The following HEMK2 variants were observed in gnomAD, a reference collection of about 807,000 sequenced individuals.
HEMK2 encodes the protein methyltransferase HEMK2.
the HEMK2 span, among the ~76,000 whole-genome samples, chr21:28,628,351 A>G: frequency 6.6e-6 from 1 of 152,176 alleles, no homozygotes; most frequent in Non-Finnish European, 1.5e-5. Context: ...TGCAACCACT[A>G]TGAGTTAAGA....
chr21:28,729,793 T>C, the HEMK2 span, among the ~76,000 whole-genome samples: 4 of 152,170 alleles, frequency 2.6e-5, no homozygotes. Context: ...AACTAATATC[T>C]ATGGAGAGTT....
the HEMK2 span, among the ~76,000 whole-genome samples, chr21:28,805,645 T>C: frequency 6.6e-6 from 1 of 152,202 alleles, no homozygotes; most frequent in African/African-American, 2.4e-5. Flanking sequence ...TGTACGACTT[T>C]ACATTGTTTT....
the HEMK2 span, among the ~76,000 whole-genome samples, chr21:28,879,175 T>C: frequency 1.3e-5 from 2 of 151,054 alleles, no homozygotes; most frequent in Admixed American, 6.6e-5. Context: ...GCTTCCACCT[T>C]GTGGGCTCAG....
chr21:28,856,190 G>A, the HEMK2 span, among the ~76,000 whole-genome samples: 1 of 152,082 alleles, frequency 6.6e-6, no homozygotes, highest in Non-Finnish European at 1.5e-5. Context: ...CAAGGAGGGT[G>A]GATCACTTGA....
chr21:28,822,856 T>A, the HEMK2 span, among the ~76,000 whole-genome samples: 1 of 146,282 alleles, frequency 6.8e-6, no homozygotes, highest in Non-Finnish European at 1.5e-5. Context: ...ATCCCAGATA[T>A]TAACGTCCAT....
At chr21:28,707,312 G>A in the HEMK2 span, among the ~76,000 whole-genome samples, 1 of 150,196 alleles carries the variant, frequency 6.7e-6, no homozygotes, top group African/African-American at 2.5e-5. Flanking sequence ...GTGGAGTACG[G>A]TGGCATGATC....
chr21:28,844,744 T>C, the HEMK2 span, among the ~76,000 whole-genome samples: 1 of 152,032 alleles, frequency 6.6e-6, no homozygotes, highest in Non-Finnish European at 1.5e-5. Context: ...ATTTTTGTCA[T>C]CTGATTGATG....
chr21:28,770,217 T>A, the HEMK2 span, among the ~76,000 whole-genome samples: 186 of 152,168 alleles, frequency 1.2e-3, 2 homozygotes, highest in Non-Finnish European at 2.1e-3. Context: ...ATCCCACAAA[T>A]CCTCACCCAC....
chr21:28,665,387 A>ATTTTTTTTTTTT, the HEMK2 span, among the ~76,000 whole-genome samples: 3 of 14,414 alleles, frequency 2.1e-4, no homozygotes, highest in Non-Finnish European at 3.3e-4. Flanking sequence ...TTTTTTTTTA[A>ATTTTTTTTTTTT]TTTTTTTTTT....
the HEMK2 span, among the ~76,000 whole-genome samples, chr21:28,837,660 T>C: frequency 6.7e-6 from 1 of 149,384 alleles, no homozygotes; most frequent in Non-Finnish European, 1.5e-5. Flanking sequence ...CAAACCAAAC[T>C]CAAACCCAGC....
chr21:28,662,487 A>T, the HEMK2 span, among the ~76,000 whole-genome samples: 1 of 152,166 alleles, frequency 6.6e-6, no homozygotes, highest in Non-Finnish European at 1.5e-5. Flanking sequence ...GGGTGTGTTC[A>T]AAGTTAAGAA....
At chr21:28,837,714 T>C in the HEMK2 span, among the ~76,000 whole-genome samples, 1 of 151,134 alleles carries the variant, frequency 6.6e-6, no homozygotes, top group Non-Finnish European at 1.5e-5. Context: ...TAAAGGAAAC[T>C]GAAACAAAAA....
At chr21:28,831,674 AGAAAGAAAGAAG>A in the HEMK2 span, among the ~76,000 whole-genome samples, 10 of 44,900 alleles carry the variant, frequency 2.2e-4, no homozygotes, top group African/African-American at 4.0e-4. Context: ...AAAGAAAGAA[AGAAAGAAAGAAG>A]GAAGGAAGGA....
chr21:28,669,861 G>T, the HEMK2 span, among the ~76,000 whole-genome samples: 3 of 152,096 alleles, frequency 2.0e-5, no homozygotes, highest in Non-Finnish European at 4.4e-5. Context: ...GCATTATTTG[G>T]GTAGCAGGAG....
the HEMK2 span, among the ~76,000 whole-genome samples, chr21:28,877,801 T>C: frequency 3.3e-5 from 5 of 152,280 alleles, no homozygotes; most frequent in Non-Finnish European, 7.4e-5. Flanking sequence ...TATAAAAATC[T>C]ATACAATTAA....
At chr21:28,638,439 C>T in the HEMK2 span, among the ~76,000 whole-genome samples, 6 of 152,258 alleles carry the variant, frequency 3.9e-5, no homozygotes, top group South Asian at 1.2e-3. Context: ...AGAGCTAAGC[C>T]TGGAGAGGCC....
chr21:28,811,249 G>GAAAGAAAGAAAGAAAGAAAGAAAGAAA, the HEMK2 span, among the ~76,000 whole-genome samples: 1 of 132,934 alleles, frequency 7.5e-6, no homozygotes, highest in African/African-American at 2.9e-5. Flanking sequence ...CAGAGAAAGA[G>GAAAGAAAGAAAGAAAGAAAGAAAGAAA]GAAAGAAAGA....
the HEMK2 span, among the ~76,000 whole-genome samples, chr21:28,694,684 G>C: frequency 6.6e-6 from 1 of 151,808 alleles, no homozygotes; most frequent in Admixed American, 6.6e-5. Context: ...CCTGGTTCTT[G>C]GAGTAATTAC....
At chr21:28,864,804 C>T in the HEMK2 span, among the ~76,000 whole-genome samples, 1 of 62,372 alleles carries the variant, frequency 1.6e-5, no homozygotes, top group South Asian at 7.4e-4. Flanking sequence ...CTACCTCTCT[C>T]TGAAAGACAG....
Sources: allele counts gnomAD v4.1 joint callset (sites outside exome capture counted in the v4.1 genomes callset), GRCh38; gene constraint gnomAD v4.1.1; transcripts MANE v1.5; gene names NCBI Gene and HGNC (gene_info 2026-07-23, HGNC 2026-07-21).